Variants in KIAA1328 observed in about 807,000 individuals in gnomAD.
KIAA1328 encodes the protein KIAA1328, also known as protein hinderin.
In KIAA1328, 52 loss-of-function variants were observed where a neutral mutation model predicts 68.1. That is an observed-to-expected ratio of 0.76 (90% CI 0.61 to 0.96). The LOEUF is 0.96. Among genes scored for constraint, KIAA1328 ranks in the 40% least tolerant of loss-of-function variants. The pLI is 0.00. For missense variants in KIAA1328, 641 were observed against 677.6 expected, an observed-to-expected ratio of 0.95 and a Z score of 0.60; for synonymous variants, 232 against 239.4, an observed-to-expected ratio of 0.97 and a Z score of 0.28.
intron 7 of KIAA1328, among the ~76,000 whole-genome samples, chr18:37,129,471 TAATA>T (rs2058471175): frequency 2.6e-5 from 4 of 152,300 alleles, no homozygotes; most frequent in African/African-American, 4.8e-5. Flanking sequence ...CTTTTTTAAT[TAATA>T]TTTAGTAAGT....
chr18:36,976,667 A>C (rs1393881292), intron 6 of KIAA1328, among the ~76,000 whole-genome samples: 1 of 151,822 alleles, frequency 6.6e-6, no homozygotes, highest in African/African-American at 2.4e-5. Context: ...GTTATATATT[A>C]TAATTAATTA....
At chr18:37,072,507 T>G (rs2056571334) in intron 7 of KIAA1328, among the ~76,000 whole-genome samples, 1 of 152,194 alleles carries the variant, frequency 6.6e-6, no homozygotes, top group Admixed American at 6.5e-5. Context: ...TTGATCAGCT[T>G]GATTTATAGT....
intron 1 of KIAA1328, 158 bp downstream of exon 1, chr18:36,829,354 C>A (rs2046373292): frequency 7.2e-7 from 1 of 1,382,334 alleles, no homozygotes; most frequent in East Asian, 3.0e-5. Flanking sequence ...GGGCTCTCCC[C>A]TTGCTTGGGT....
At chr18:37,096,786 T>G (rs541984772) in intron 7 of KIAA1328, among the ~76,000 whole-genome samples, 1 of 152,214 alleles carries the variant, frequency 6.6e-6, no homozygotes, top group African/African-American at 2.4e-5. Flanking sequence ...TGAGGTGGTA[T>G]CTCATTGTGG....
chr18:37,214,718 T>G (rs2060391478), intron 9 of KIAA1328, among the ~76,000 whole-genome samples: 1 of 152,212 alleles, frequency 6.6e-6, no homozygotes, highest in African/African-American at 2.4e-5. Context: ...GGGATGGCAT[T>G]GAATCTATAA....
intron 7 of KIAA1328, among the ~76,000 whole-genome samples, chr18:37,154,565 C>T (rs1244451370): frequency 6.6e-6 from 1 of 152,182 alleles, no homozygotes; most frequent in African/African-American, 2.4e-5. Context: ...CTCCTACCAT[C>T]ATTCTGTGAG....
intron 6 of KIAA1328, among the ~76,000 whole-genome samples, chr18:37,003,286 G>T (rs1347591203): frequency 2.0e-5 from 3 of 152,178 alleles, no homozygotes; most frequent in Non-Finnish European, 4.4e-5. Flanking sequence ...TCTAGACAAA[G>T]AATTTATGAA....
intron 9 of KIAA1328, among the ~76,000 whole-genome samples, chr18:37,213,227 CTG>C (rs1408138852): frequency 3.3e-5 from 5 of 152,128 alleles, no homozygotes; most frequent in African/African-American, 9.7e-5. Context: ...TATACATGTG[CTG>C]TGTTTGTTTG....
Position 37,223,660 on chromosome 18 carries a change from C to T in KIAA1328, c.*1433C>T. On this transcript the variant is annotated 3_prime_UTR_variant, in exon 10 of 10. Transcript: ENST00000280020. ...CATACCACCCAGGGCAGCCTGCATG[C>T]AGCGAGTCTGCGTGGCTTCCCTGAA... 3.0e-6 allele frequency: 3 copies of T among 985,430 alleles called. No individual in the cohort carries two copies. Among genetic ancestry groups the T allele is most frequent in the Non-Finnish European group, 3.6e-6 (3 of 829,940 alleles). 61.0% of individuals were successfully genotyped at this position (985,430 alleles called of 1,614,324 possible).
At chr18:36,992,451 C>CT (rs71168252) in intron 6 of KIAA1328, among the ~76,000 whole-genome samples, 2,718 of 128,672 alleles carry the variant, frequency 0.021, 56 homozygotes, top group African/African-American at 0.077. Flanking sequence ...TCTTTTCTTT[C>CT]TTTTTTTTTT....
chr18:37,047,979 C>G (rs1470336778), intron 6 of KIAA1328, among the ~76,000 whole-genome samples: 2 of 152,138 alleles, frequency 1.3e-5, no homozygotes, highest in Non-Finnish European at 2.9e-5. Flanking sequence ...ATGCATACTA[C>G]TCCCTTATAA....
chr18:36,961,787 G>A (rs926975017), intron 6 of KIAA1328, among the ~76,000 whole-genome samples: 30 of 152,150 alleles, frequency 2.0e-4, no homozygotes, highest in African/African-American at 7.0e-4. Context: ...TCACCACCAG[G>A]CCTGCCTTAC....
At chr18:37,000,120 A>C (rs2053535127) in intron 6 of KIAA1328, among the ~76,000 whole-genome samples, 1 of 152,124 alleles carries the variant, frequency 6.6e-6, no homozygotes, top group South Asian at 2.1e-4. Context: ...AACTCACCTA[A>C]CTTGTAAAGA....
At chr18:37,230,820 C>T (rs1317797231), downstream of KIAA1328, 1 of 152,240 alleles carries the variant, frequency 6.6e-6, no homozygotes, top group African/African-American at 2.4e-5. Flanking sequence ...TCCACATTCA[C>T]TAGCATTTTC....
intron 5 of KIAA1328, among the ~76,000 whole-genome samples, chr18:36,914,121 A>G (rs1598694665): frequency 1.3e-5 from 2 of 152,186 alleles, no homozygotes; most frequent in East Asian, 3.9e-4. Context: ...TCTTAGGGCG[A>G]TTTGTGTGGC....
intron 4 of KIAA1328, among the ~76,000 whole-genome samples, chr18:36,866,858 TTA>T (rs1462677754): frequency 6.6e-6 from 1 of 152,164 alleles, no homozygotes; most frequent in Non-Finnish European, 1.5e-5. Flanking sequence ...TTAGAAAAAC[TTA>T]TATATTCCTA....
At chr18:36,914,733 G>A (rs1332447612) in intron 5 of KIAA1328, among the ~76,000 whole-genome samples, 1 of 151,696 alleles carries the variant, frequency 6.6e-6, no homozygotes, top group Non-Finnish European at 1.5e-5. Flanking sequence ...TAAAAAGTTA[G>A]ATAAAAAAAT....
Position 36,939,850 on chromosome 18 carries a change from C to T in KIAA1328, c.449-19458C>T, listed in dbSNP as rs536654390. 1.3e-4 allele frequency among the ~76,000 whole-genome samples: 20 copies of T among 152,098 alleles called. No individual in the cohort carries two copies. The South Asian group carries it at 3.9e-3, about 30-fold the overall frequency. ...TTTTCTACATCTATTGAGATGATCA[C>T]CACGGTTTTTATTGAACAAATGTCT... On this transcript the variant is annotated intron_variant, in intron 5 of 9. Coordinates refer to ENST00000280020, the MANE Select transcript of KIAA1328 (RefSeq NM_020776.3).
intron 6 of KIAA1328, among the ~76,000 whole-genome samples, chr18:37,033,505 C>T (rs1381235736): frequency 6.6e-6 from 1 of 152,198 alleles, no homozygotes; most frequent in Non-Finnish European, 1.5e-5. Flanking sequence ...TCTGGTTTCT[C>T]AGTAAGATCG....
Sources: gnomAD v4.1 joint callset for allele counts (sites outside exome capture counted in the v4.1 genomes callset) on GRCh38, gnomAD v4.1.1 for gene constraint, MANE v1.5 for transcripts, NCBI Gene and HGNC (gene_info 2026-07-23, HGNC 2026-07-21) for gene names.